The following PDE1C variants were observed in gnomAD, a reference collection of about 807,000 sequenced individuals.
The protein encoded by PDE1C is dual specificity calcium/calmodulin-dependent 3',5'-cyclic nucleotide phosphodiesterase 1C.
A neutral mutation model predicts 93.1 loss-of-function variants in PDE1C; 62 were observed. The ratio of observed to expected loss-of-function variants is 0.67; its 90% CI spans 0.54 to 0.82. PDE1C has a LOEUF of 0.82. Ranked by LOEUF, PDE1C falls within the 40% of genes least tolerant of loss-of-function variation. The pLI, the probability that PDE1C is intolerant of heterozygous loss-of-function variation, is 0.00. For synonymous variants in PDE1C, 325 were observed against 310.1 expected (o/e 1.05, Z -0.50); for missense variants, 742 against 884.6 (o/e 0.84, Z 2.04).
intron 16 of PDE1C, among the ~76,000 whole-genome samples, chr7:31,804,534 G>A (rs1254356452): frequency 6.6e-6 from 1 of 151,792 alleles, no homozygotes; most frequent in Non-Finnish European, 1.5e-5. Flanking sequence ...AAACCTATAT[G>A]TATTACACAC....
At position 31,837,886 on chromosome 7, in the gene PDE1C, G is replaced by A; in HGVS notation, c.1066C>T (p.Leu356=). ...FQQIKAMKTA[L]QQPEAIEKPK... The stretch of plus-strand genomic sequence containing the variant: ...CACACTTACGCTTCTGGCTGCTGCA[G>A]AGCAGTCTTCATTGCTTTGATTTGT... The change falls in exon 10 of 18, where the codon CTG becomes TTG. Residue 356 remains leucine (L), a synonymous_variant. Transcript: ENST00000396191. 6.2e-7 allele frequency: 1 copy of A among 1,612,156 alleles called. No homozygotes were observed. Among genetic ancestry groups the A allele is most frequent in the South Asian group, 1.1e-5 (1 of 91,044 alleles).
chr7:31,711,136 A>G, the PDE1C span, among the ~76,000 whole-genome samples: 1 of 152,216 alleles, frequency 6.6e-6, no homozygotes, highest in African/African-American at 2.4e-5. Context: ...TATCCTGGAA[A>G]ATGTGGCTCT....
chr7:31,685,580 G>A, the PDE1C span, among the ~76,000 whole-genome samples: 2 of 152,194 alleles, frequency 1.3e-5, no homozygotes, highest in Admixed American at 1.3e-4. Flanking sequence ...CAACAAGGCT[G>A]TTGTTAAGAA....
intron 16 of PDE1C, among the ~76,000 whole-genome samples, chr7:31,797,175 A>G (rs1785404926): frequency 6.6e-6 from 1 of 151,760 alleles, no homozygotes; most frequent in Non-Finnish European, 1.5e-5. Flanking sequence ...ATGGGATATT[A>G]GTCAGAATTT....
intron 1 of PDE1C, among the ~76,000 whole-genome samples, chr7:32,413,391 A>C (rs1336754250): frequency 6.6e-6 from 1 of 152,228 alleles, no homozygotes; most frequent in African/African-American, 2.4e-5. Context: ...AAAATGTTTT[A>C]ACACTGGAAG....
At chr7:32,147,508 C>CT (rs914962683) in intron 3 of PDE1C, among the ~76,000 whole-genome samples, 4 of 152,112 alleles carry the variant, frequency 2.6e-5, no homozygotes, top group African/African-American at 7.2e-5. Context: ...ATGCCCAGGC[C>CT]TTTTTTCTGG....
intron 1 of PDE1C, among the ~76,000 whole-genome samples, chr7:32,418,287 C>G (rs1296436513): frequency 6.6e-6 from 1 of 152,154 alleles, no homozygotes; most frequent in Non-Finnish European, 1.5e-5. Context: ...CAGCACAAGG[C>G]TTAAGACCTG....
At chr7:31,918,013 C>T (rs2128952551) in intron 2 of PDE1C, among the ~76,000 whole-genome samples, 1 of 152,196 alleles carries the variant, frequency 6.6e-6, no homozygotes, top group East Asian at 1.9e-4. Flanking sequence ...GTATTGAAGG[C>T]CATTCCAGTA....
chr7:32,253,421 G>A (rs918343157), intron 1 of PDE1C, among the ~76,000 whole-genome samples: 6 of 152,044 alleles, frequency 3.9e-5, no homozygotes, highest in Non-Finnish European at 5.9e-5. Flanking sequence ...AGCCTTACGC[G>A]CCTTCCAGAG....
chr7:32,406,344 A>G (rs1785051182), intron 1 of PDE1C, among the ~76,000 whole-genome samples: 1 of 152,158 alleles, frequency 6.6e-6, no homozygotes, highest in African/African-American at 2.4e-5. Context: ...AAAATCTTCC[A>G]ATACAATTCA....
At chr7:31,781,150 C>A (rs570430495) in intron 16 of PDE1C, among the ~76,000 whole-genome samples, 1 of 152,348 alleles carries the variant, frequency 6.6e-6, no homozygotes, top group Non-Finnish European at 1.5e-5. Context: ...AGGGTGAACG[C>A]ACACCTAAGA....
intron 2 of PDE1C, among the ~76,000 whole-genome samples, chr7:31,902,282 A>T (rs929599546): frequency 3.3e-5 from 5 of 151,624 alleles, no homozygotes; most frequent in Non-Finnish European, 7.4e-5. Context: ...AAGGAAATGA[A>T]AAAGCAATTC....
chr7:32,170,030 A>C, intron 2 of PDE1C: 3 of 1,310,364 alleles, frequency 2.3e-6, no homozygotes, highest in Non-Finnish European at 3.2e-6. Flanking sequence ...TCCCCAACTC[A>C]GGATCTTCCA....
intron 1 of PDE1C, among the ~76,000 whole-genome samples, chr7:32,349,991 T>C (rs1783930525): frequency 6.6e-6 from 1 of 152,248 alleles, no homozygotes; most frequent in Admixed American, 6.5e-5. Flanking sequence ...TCCTGTACTC[T>C]GTGGACAATA....
chr7:31,652,770 G>T, the PDE1C span: 1 of 1,613,890 alleles, frequency 6.2e-7, no homozygotes, highest in South Asian at 1.1e-5. Flanking sequence ...GGCAAAGTTA[G>T]GTCCAACCCC....
chr7:32,205,687 G>A (rs932597688), intron 2 of PDE1C, among the ~76,000 whole-genome samples: 8 of 152,254 alleles, frequency 5.3e-5, no homozygotes, highest in African/African-American at 1.7e-4. Context: ...CCTGCTGCTG[G>A]CTTTTTAGGT....
In PDE1C at chr7:32,199,145, C is replaced by A. The variant is rs866477675; in HGVS notation, c.136+10344G>T. Among the ~76,000 whole-genome samples the A allele has an allele frequency of 4.8e-3, 716 of 150,334 alleles. 7 individuals carry two copies. Among genetic ancestry groups the A allele is most frequent in the African/African-American group, 0.015 (623 of 41,214 alleles). Reference sequence around the variant, plus strand: ...AAAAATAAAAATTTAAAAAAAAAAACAAAACACTAAACTCGTAGTCTCAGA... The same window carrying A: ...AAAAATAAAAATTTAAAAAAAAAAAAAAAACACTAAACTCGTAGTCTCAGA... On this transcript the variant is annotated intron_variant, in intron 2 of 18. Transcript: ENST00000396193.
intron 1 of PDE1C, among the ~76,000 whole-genome samples, chr7:32,342,002 T>C (rs1585117593): frequency 1.3e-5 from 2 of 152,324 alleles, no homozygotes; most frequent in East Asian, 3.9e-4. Context: ...AGTTAGTATC[T>C]ATATAATACT....
chr7:31,775,772 T>C (rs759801714), intron 16 of PDE1C, 40 bp from the exon 17 acceptor site: 25 of 1,517,638 alleles, frequency 1.6e-5, no homozygotes, highest in Non-Finnish European at 2.2e-5. Flanking sequence ...AGTAGGATTG[T>C]GGAAAAACCT....
Sources: gnomAD v4.1 joint callset for allele counts (sites outside exome capture counted in the v4.1 genomes callset) on GRCh38, gnomAD v4.1.1 for gene constraint, MANE v1.5 for transcripts, NCBI Gene and HGNC (gene_info 2026-07-23, HGNC 2026-07-21) for gene names.